Variants in FSIP2 observed in about 807,000 individuals in gnomAD.
FSIP2 encodes fibrous sheath interacting protein 2.
In FSIP2, 367 loss-of-function variants were observed where a neutral mutation model predicts 510.5. That is an observed-to-expected ratio of 0.72 (90% confidence interval 0.66 to 0.78). FSIP2 has a LOEUF of 0.78. FSIP2 is among the 30% of genes least tolerant of loss of function. The pLI is 0.00. For synonymous variants in FSIP2, 2,601 were observed against 2,732.2 expected (o/e 0.95, Z 1.50); for missense variants, 7,594 against 7,901.7 (o/e 0.96, Z 1.48).
intron 16 of FSIP2, among the ~76,000 whole-genome samples, chr2:185,797,858 T>G (rs960410677): frequency 1.3e-5 from 2 of 151,740 alleles, no homozygotes; most frequent in African/African-American, 4.8e-5. Flanking sequence ...ACTCTAATTT[T>G]TAAAAATCTT....
At chr2:185,762,079 A>T in intron 11 of FSIP2, 62 bp downstream of exon 11, 1 of 775,904 alleles carries the variant, frequency 1.3e-6, no homozygotes, top group Admixed American at 2.6e-5. Context: ...TAGTTTTATT[A>T]TATATTTTAA....
chr2:185,760,847 A>C (rs896232240), intron 9 of FSIP2, 141 bp from the exon 10 acceptor site: 6 of 481,254 alleles, frequency 1.2e-5, no homozygotes, highest in Non-Finnish European at 2.2e-5. Flanking sequence ...TCTTGAATGC[A>C]GTGATGGTTT....
rs547998000 is a variant in FSIP2 at position 185,769,313 on chromosome 2, T to C, written c.1411+4748T>C. Among the ~76,000 whole-genome samples the C allele has an allele frequency of 2.0e-5, 3 of 152,322 alleles. No homozygotes were observed. The East Asian group carries it at 5.8e-4, about 29-fold the overall frequency. ...CCAGCATCTATTATTTTCTTTTTAATACTAACCATCCTGACTGGTGCAAGA... is the reference window on the plus strand; with the variant it reads ...CCAGCATCTATTATTTTCTTTTTAACACTAACCATCCTGACTGGTGCAAGA... On this transcript the variant is annotated intron_variant, in intron 13 of 22. Transcript: ENST00000424728.
At chr2:185,824,330 T>C in intron 19 of FSIP2, 104 bp from the exon 20 acceptor site, 1 of 756,152 alleles carries the variant, frequency 1.3e-6, no homozygotes. Context: ...AGTATACTAT[T>C]TCAGGTTTCT....
upstream of FSIP2, chr2:185,738,429 G>A: frequency 1.6e-6 from 1 of 614,900 alleles, no homozygotes; most frequent in Non-Finnish European, 2.8e-6. Flanking sequence ...GACCTGGTGT[G>A]GGAAGAAGCT....
Position 185,791,948 on chromosome 2 carries a change from G to C in FSIP2, c.4812G>C (p.Leu1604Phe). ...TTGCCAACGGACATTTAGAAATTTTGGGTGCTATTAATGATGGAAATAAGA... is the reference window on the plus strand; with the variant it reads ...TTGCCAACGGACATTTAGAAATTTTCGGTGCTATTAATGATGGAAATAAGA... ...EGFANGHLEI[L>F]GAINDGNKKS... The change falls in exon 16 of 23, where the codon TTG becomes TTC. Residue 1604 changes from leucine to phenylalanine, a missense_variant. By Grantham distance (22) the Leu-to-Phe change is conservative. Transcript: ENST00000424728. The C allele has an allele frequency of 6.5e-7, 1 of 1,533,700 alleles. No individual in the cohort carries two copies. Among genetic ancestry groups the C allele is most frequent in the Non-Finnish European group, 8.7e-7 (1 of 1,145,216 alleles).
At chr2:185,762,373 A>G (rs1414629503) in intron 11 of FSIP2, among the ~76,000 whole-genome samples, 1 of 151,242 alleles carries the variant, frequency 6.6e-6, no homozygotes, top group Non-Finnish European at 1.5e-5. Context: ...CAAATGATAC[A>G]TTTTGTTTCC....
At chr2:185,763,926 G>GTATTTTTATAATA in intron 12 of FSIP2, among the ~76,000 whole-genome samples, 1 of 151,508 alleles carries the variant, frequency 6.6e-6, no homozygotes, top group Non-Finnish European at 1.5e-5. Flanking sequence ...TTTCTGTAGT[G>GTATTTTTATAATA]CAGTTTTATA....
At position 185,753,768 on chromosome 2, in the gene FSIP2, T is replaced by C; in HGVS notation, c.917T>C (p.Met306Thr). ...EKKMAYHLQK[M>T]QDTGFNGEDI... ...AAAATGGCTTATCATTTACAAAAAATGCAAGATACTGGCTTTAACGGAGAA... is the reference window on the plus strand; with the variant it reads ...AAAATGGCTTATCATTTACAAAAAACGCAAGATACTGGCTTTAACGGAGAA... The change falls in exon 8 of 23, where the codon ATG (methionine) becomes ACG (threonine). Residue 306 changes from methionine to threonine, a missense_variant. Coordinates refer to ENST00000424728, the MANE Select transcript of FSIP2 (RefSeq NM_173651.4). 1 of 1,421,822 alleles carries C rather than the reference T, an allele frequency of 7.0e-7. No homozygotes were observed. Among genetic ancestry groups the C allele is most frequent in the East Asian group, 2.5e-5 (1 of 39,320 alleles). The allele number at this position is 1,421,822 out of a possible 1,614,324, so 88.1% of individuals were successfully genotyped here. A position where few individuals can be genotyped will look rare whatever the true frequency, so the allele number is the denominator to read the frequency against.
At chr2:185,811,833 G>T (rs1055235342) in intron 17 of FSIP2, among the ~76,000 whole-genome samples, 3 of 152,088 alleles carry the variant, frequency 2.0e-5, no homozygotes, top group Non-Finnish European at 4.4e-5. Context: ...CATAGCCTTG[G>T]TGGTTTCTAT....
At position 185,739,812 on chromosome 2, in the gene FSIP2, T is replaced by C. The variant is rs751121884; in HGVS notation, c.225+341T>C. ...TTAGAAGCTGAAAGGTTATTAGTGATAGCTGCCATTTAATGATATGTTACG... is the reference window on the plus strand; with the variant it reads ...TTAGAAGCTGAAAGGTTATTAGTGACAGCTGCCATTTAATGATATGTTACG... On this transcript the variant is annotated intron_variant, in intron 2 of 22. Coordinates refer to ENST00000424728, the MANE Select transcript of FSIP2 (RefSeq NM_173651.4). Among the ~76,000 whole-genome samples, 73 of 152,148 alleles carry C rather than the reference T, an allele frequency of 4.8e-4. 1 individual carries two copies. The highest frequency in any genetic ancestry group is 1.6e-4 in the Non-Finnish European group (11 of 68,022).
chr2:185,812,060 C>A (rs566944486), intron 17 of FSIP2, among the ~76,000 whole-genome samples: 2 of 152,184 alleles, frequency 1.3e-5, no homozygotes, highest in East Asian at 3.9e-4. Context: ...CTGCTTAGTG[C>A]AGTTGTTGGA....
At chr2:185,812,580 G>A (rs1202556023) in intron 17 of FSIP2, among the ~76,000 whole-genome samples, 1 of 152,026 alleles carries the variant, frequency 6.6e-6, no homozygotes, top group Non-Finnish European at 1.5e-5. Flanking sequence ...ACTCTTGTTG[G>A]TTCTGCCTCA....
At position 185,763,356 on chromosome 2, in the gene FSIP2, TG is replaced by T. The variant is rs1008464857; in HGVS notation, c.1347+69del. On this transcript the variant is annotated intron_variant, in intron 12 of 22. Transcript: ENST00000424728. ...AGGGATATGATCTTATGGTCATAAT[TG>T]GTATAAAATGTCATGATTTATGTAA... 2.5e-5 allele frequency: 18 copies of T among 719,808 alleles called. No homozygotes were observed. The African/African-American group carries it at 3.0e-4, about 12-fold the overall frequency. The allele number at this position is 719,808 out of a possible 1,614,324, so 44.6% of individuals were successfully genotyped here.
intron 2 of FSIP2, among the ~76,000 whole-genome samples, chr2:185,741,379 A>G (rs1691919454): frequency 6.6e-6 from 1 of 152,208 alleles, no homozygotes; most frequent in African/African-American, 2.4e-5. Flanking sequence ...AAGGGCAACC[A>G]GTTATTTTAA....
rs565759846 is a variant in FSIP2, at chr2:185,807,165, GA to G, written c.17860del (p.Ile5954Ter). 6.0e-5 allele frequency: 96 copies of G among 1,602,432 alleles called. No individual in the cohort carries two copies. Among genetic ancestry groups the G allele is most frequent in the Non-Finnish European group, 7.6e-5 (89 of 1,176,122 alleles). Reference sequence around the variant, plus strand: ...TAGCAAGAAGACTAACTAGTGCAGTGATAAATGAAATTTTCCAACGTCAGGT... The same window carrying G: ...TAGCAAGAAGACTAACTAGTGCAGTGTAAATGAAATTTTCCAACGTCAGGT... ...NLARRLTSAV[I>X]NEIFQRQVNL... is the part of the protein sequence containing the mutation. On this transcript the variant is annotated frameshift_variant, in exon 17 of 23. Transcript: ENST00000424728. LOFTEE classifies it high-confidence loss of function.
In FSIP2 at chr2:185,795,863, T is replaced by A; in HGVS notation, c.8727T>A (p.Thr2909=). 1.3e-6 allele frequency: 2 copies of A among 1,532,710 alleles called. No individual in the cohort carries two copies. The highest frequency in any genetic ancestry group is 1.7e-6 in the Non-Finnish European group (2 of 1,145,468). 94.9% of individuals were successfully genotyped at this position (1,532,710 alleles called of 1,614,324 possible). ...GAGCTTCTACTAGAGCCGAGGATAC[T>A]AAAGCACAAATTAATATGTTTGGAA... The part of the protein sequence containing the change: ...FKGASTRAED[T]KAQINMFGRE... The change falls in exon 16 of 23, where the codon ACT becomes ACA. Residue 2909 remains threonine (T), a synonymous_variant. Coordinates refer to ENST00000424728, the MANE Select transcript of FSIP2 (RefSeq NM_173651.4).
upstream of FSIP2, chr2:185,738,594 A>C: frequency 6.5e-7 from 1 of 1,535,032 alleles, no homozygotes; most frequent in Non-Finnish European, 8.7e-7. Context: ...CGTTTTCGTT[A>C]GGATTGGCTA....
chr2:185,807,834 T>C lies in FSIP2; in HGVS notation c.18528T>C (p.Tyr6176=). 1.9e-6 allele frequency: 3 copies of C among 1,612,034 alleles called. No individual in the cohort carries two copies. Among genetic ancestry groups the C allele is most frequent in the Middle Eastern group, 1.7e-4 (1 of 6,040 alleles). ...CTTCACATGCTGATAAGCTGTCTTA[T>C]AACATAATAGAAGAAATTGCTGTGA... The part of the protein sequence containing the change: ...PKPSHADKLS[Y]NIIEEIAVKF... The change falls in exon 17 of 23, where the codon TAT becomes TAC. Residue 6176 remains tyrosine, a synonymous_variant. Transcript: ENST00000424728.
Sources: allele counts gnomAD v4.1 joint callset (sites outside exome capture counted in the v4.1 genomes callset), GRCh38; gene constraint gnomAD v4.1.1; transcripts MANE v1.5; gene names NCBI Gene and HGNC (gene_info 2026-07-23, HGNC 2026-07-21).